Variants in RAB28 observed in about 807,000 individuals in gnomAD.
RAB28 encodes ras-related protein Rab-28.
Under a neutral mutation model 31.7 loss-of-function variants are expected in RAB28, and 24 were observed. The ratio of observed to expected loss-of-function variants is 0.76; its 90% CI spans 0.55 to 1.06. The LOEUF is 1.06. Ranked by LOEUF, RAB28 falls within the 50% of genes least tolerant of loss-of-function variation. The pLI is 0.00. For missense variants in RAB28, 254 were observed against 258.5 expected, an observed-to-expected ratio of 0.98 and a Z score of 0.12; for synonymous variants, 100 against 90.4, an observed-to-expected ratio of 1.11 and a Z score of -0.60.
intron 4 of RAB28, among the ~76,000 whole-genome samples, chr4:13,398,844 A>AT (rs1159532366): frequency 6.6e-6 from 1 of 151,768 alleles, no homozygotes; most frequent in Non-Finnish European, 1.5e-5. Context: ...TCTTCTTTAT[A>AT]TTTTCCCATT....
rs943100137 is a variant in RAB28 at position 13,373,405 on chromosome 4, T to C, written c.573+3140A>G. Among the ~76,000 whole-genome samples the C allele has an allele frequency of 1.1e-4, 17 of 152,128 alleles. 1 individual carries two copies. The highest frequency in any genetic ancestry group is 1.5e-5 in the Non-Finnish European group (1 of 67,992). ...ACATAAATGATGCAAATGAAACTAT[T>C]AACCAAATTGGGAATTGTGAAAAAT... is the stretch of plus-strand genomic sequence containing the variant. On this transcript the variant is annotated intron_variant, in intron 6 of 6. Transcript: ENST00000330852.
chr4:13,455,714 C>G (rs1394749115), intron 4 of RAB28, among the ~76,000 whole-genome samples: 1 of 152,198 alleles, frequency 6.6e-6, no homozygotes, highest in African/African-American at 2.4e-5. Flanking sequence ...AGAGTCAGGA[C>G]TTGCAAGAAC....
At chr4:13,399,468 T>C (rs1002344061) in intron 4 of RAB28, among the ~76,000 whole-genome samples, 4 of 152,232 alleles carry the variant, frequency 2.6e-5, no homozygotes, top group African/African-American at 7.2e-5. Flanking sequence ...AGCAGAGAAC[T>C]GCTGAATCAT....
chr4:13,461,449 C>G (rs1181285510), intron 3 of RAB28, among the ~76,000 whole-genome samples: 1 of 152,188 alleles, frequency 6.6e-6, no homozygotes, highest in Non-Finnish European at 1.5e-5. Context: ...AGTAAACAAA[C>G]TCAGTTCCTT....
chr4:13,476,026 T>C (rs1225634828), intron 2 of RAB28, among the ~76,000 whole-genome samples: 1 of 151,546 alleles, frequency 6.6e-6, no homozygotes, highest in Non-Finnish European at 1.5e-5. Context: ...TACTAACTTT[T>C]ACAGAGTAAG....
At chr4:13,442,496 C>T (rs1714474579) in intron 4 of RAB28, among the ~76,000 whole-genome samples, 1 of 150,962 alleles carries the variant, frequency 6.6e-6, no homozygotes, top group Admixed American at 6.6e-5. Flanking sequence ...AAAAAAAAAA[C>T]TTCTAAACTA....
chr4:13,463,889 T>TAA (rs370518006), intron 3 of RAB28, among the ~76,000 whole-genome samples: 1 of 150,844 alleles, frequency 6.6e-6, no homozygotes, highest in Non-Finnish European at 1.5e-5. Context: ...CTCTGACATG[T>TAA]AAAAAAAAAC....
chr4:13,474,547 A>G (rs1716264300), intron 2 of RAB28, 141 bp from the exon 3 acceptor site: 1 of 462,202 alleles, frequency 2.2e-6, no homozygotes, highest in African/African-American at 2.0e-5. Context: ...GGCTCACATG[A>G]TATTTGGAAT....
intron 4 of RAB28, among the ~76,000 whole-genome samples, chr4:13,449,643 C>G (rs548176171): frequency 6.6e-6 from 1 of 152,052 alleles, no homozygotes; most frequent in African/African-American, 2.4e-5. Flanking sequence ...TGTTGATGCA[C>G]TCTTCTCTAT....
chr4:13,479,817 GA>G (rs202008693), intron 1 of RAB28, among the ~76,000 whole-genome samples: 1 of 147,606 alleles, frequency 6.8e-6, no homozygotes, highest in Non-Finnish European at 1.5e-5. Context: ...GTTATCAACA[GA>G]AAAAAAAACT....
chr4:13,414,677 G>A (rs1712644639), intron 4 of RAB28, among the ~76,000 whole-genome samples: 1 of 152,114 alleles, frequency 6.6e-6, no homozygotes, highest in South Asian at 2.1e-4. Flanking sequence ...TCATTTAAAA[G>A]CAAAGATTGT....
At chr4:13,393,320 T>C (rs1363347451) in intron 4 of RAB28, among the ~76,000 whole-genome samples, 1 of 152,178 alleles carries the variant, frequency 6.6e-6, no homozygotes, top group Non-Finnish European at 1.5e-5. Flanking sequence ...TCAAAAGGAA[T>C]ATGTACAAAA....
At chr4:13,369,928 T>C (rs112382400) in intron 6 of RAB28, 1 of 1,612,666 alleles carries the variant, frequency 6.2e-7, no homozygotes, top group African/African-American at 1.3e-5. Flanking sequence ...TTGATTTTCT[T>C]CTTCCGGGTA....
intron 4 of RAB28, among the ~76,000 whole-genome samples, chr4:13,408,417 T>C (rs1040277541): frequency 6.6e-6 from 1 of 152,194 alleles, no homozygotes; most frequent in Admixed American, 6.5e-5. Flanking sequence ...GCTTTGCCAG[T>C]ATCTTATCGA....
In RAB28 at chr4:13,368,364, G is replaced by A. The variant is rs191458805; in HGVS notation, c.*194C>T. Reference sequence around the variant, plus strand: ...TTCCATTTTGAATTCAAAGTGTGTGGTCCCAAAGTTGAATTCTTTCAAATC... The same window carrying A: ...TTCCATTTTGAATTCAAAGTGTGTGATCCCAAAGTTGAATTCTTTCAAATC... On this transcript the variant is annotated 3_prime_UTR_variant, in exon 7 of 7. Transcript: ENST00000330852. The A allele has an allele frequency of 8.1e-7, 1 of 1,228,840 alleles. No homozygotes were observed. Among genetic ancestry groups the A allele is most frequent in the Non-Finnish European group, 1.0e-6 (1 of 985,012 alleles). The allele number at this position is 1,228,840 out of a possible 1,614,324, so 76.1% of individuals were successfully genotyped here.
chr4:13,396,024 A>G (rs1729860779), intron 4 of RAB28, among the ~76,000 whole-genome samples: 1 of 152,068 alleles, frequency 6.6e-6, no homozygotes, highest in Non-Finnish European at 1.5e-5. Flanking sequence ...TGGAAAAAAA[A>G]ATTAAAATTA....
At chr4:13,479,395 A>C (rs747079307) in intron 2 of RAB28, 35 bp downstream of exon 2, 9 of 1,457,532 alleles carry the variant, frequency 6.2e-6, no homozygotes, top group African/African-American at 1.4e-5. Flanking sequence ...AGATTTTTTT[A>C]TAATCTTCTA....
Position 13,484,339 on chromosome 4 carries a change from G to A in RAB28, c.-189C>T, listed in dbSNP as rs1374504428. The A allele has an allele frequency of 1.8e-6, 1 of 555,410 alleles. No homozygotes were observed. 34.4% of individuals were successfully genotyped at this position (555,410 alleles called of 1,614,324 possible). A position where few individuals can be genotyped will look rare whatever the true frequency, so the allele number is the denominator to read the frequency against. On this transcript the variant is annotated 5_prime_UTR_variant, in exon 1 of 7. Transcript: ENST00000330852. ...CATCTTGCCCACCTCCCCGCCCTCT[G>A]CGCGCGGCCCCGCCCCCTACGCGCA...
chr4:13,429,405 T>C (rs1713683996), intron 4 of RAB28, among the ~76,000 whole-genome samples: 1 of 152,172 alleles, frequency 6.6e-6, no homozygotes, highest in Non-Finnish European at 1.5e-5. Context: ...AAAAAAACTA[T>C]TAGAGGAAAT....
Sources: gnomAD v4.1 joint callset for allele counts (sites outside exome capture counted in the v4.1 genomes callset) on GRCh38, gnomAD v4.1.1 for gene constraint, MANE v1.5 for transcripts, NCBI Gene and HGNC (gene_info 2026-07-23, HGNC 2026-07-21) for gene names.